CAMTA1: variants seen among roughly 807,000 people sequenced by gnomAD.
CAMTA1 encodes calmodulin binding transcription activator 1.
In CAMTA1, 27 loss-of-function variants were observed where a neutral mutation model predicts 170.9. The ratio of observed to expected loss-of-function variants is 0.16; its 90% CI spans 0.12 to 0.22. CAMTA1 has a LOEUF of 0.22. Among genes scored for constraint, CAMTA1 ranks in the 10% least tolerant of loss-of-function variants. The pLI is 1.00. For synonymous variants in CAMTA1, 833 were observed against 891.5 expected (o/e 0.93, Z 1.17); for missense variants, 1,619 against 2,217.2 (o/e 0.73, Z 5.42).
At chr1:6,981,962 T>TC (rs1294689426) in intron 3 of CAMTA1, among the ~76,000 whole-genome samples, 1 of 152,228 alleles carries the variant, frequency 6.6e-6, no homozygotes, top group African/African-American at 2.4e-5. Flanking sequence ...ACTCCTGGGC[T>TC]CCAGTGATCC....
At chr1:7,073,902 C>T (rs1339504274) in intron 3 of CAMTA1, among the ~76,000 whole-genome samples, 1 of 152,164 alleles carries the variant, frequency 6.6e-6, no homozygotes, top group African/African-American at 2.4e-5. Flanking sequence ...TCTTAAAATT[C>T]TATTTCCTGA....
chr1:7,723,119 G>A (rs987320611), intron 11 of CAMTA1, among the ~76,000 whole-genome samples: 1 of 152,020 alleles, frequency 6.6e-6, no homozygotes, highest in Admixed American at 6.6e-5. Flanking sequence ...GCACCCAGAT[G>A]TTCATTTCTA....
intron 6 of CAMTA1, among the ~76,000 whole-genome samples, chr1:7,535,150 A>C (rs1220773059): frequency 6.6e-6 from 1 of 151,628 alleles, no homozygotes; most frequent in Non-Finnish European, 1.5e-5. Flanking sequence ...GCTGAGTCCA[A>C]AGGAGGAACT....
intron 6 of CAMTA1, among the ~76,000 whole-genome samples, chr1:7,490,594 G>C (rs2149691390): frequency 6.6e-6 from 1 of 152,126 alleles, no homozygotes; most frequent in East Asian, 1.9e-4. Context: ...GGAGGTTGCG[G>C]TGAGCCGAGA....
chr1:6,966,105 A>G (rs1691488567), intron 3 of CAMTA1, among the ~76,000 whole-genome samples: 2 of 152,184 alleles, frequency 1.3e-5, no homozygotes, highest in South Asian at 4.1e-4. Flanking sequence ...AGGCTGACCT[A>G]GATGAGACTG....
intron 3 of CAMTA1, among the ~76,000 whole-genome samples, chr1:6,950,105 T>C (rs567817542): frequency 6.6e-6 from 1 of 152,320 alleles, no homozygotes; most frequent in East Asian, 1.9e-4. Flanking sequence ...CCTCTGGCCG[T>C]TGCCTCACGG....
chr1:7,536,660 G>A (rs1452562392), intron 6 of CAMTA1, among the ~76,000 whole-genome samples: 1 of 152,184 alleles, frequency 6.6e-6, no homozygotes, highest in Admixed American at 6.5e-5. Context: ...TCCAGCGAGT[G>A]TGTGAAGGGC....
At chr1:6,882,389 CTG>C (rs1452928986) in intron 3 of CAMTA1, among the ~76,000 whole-genome samples, 1 of 152,162 alleles carries the variant, frequency 6.6e-6, no homozygotes. Flanking sequence ...AGTGAGGAGA[CTG>C]TTGCAAGAAC....
chr1:7,096,219 T>A (rs1642056584), intron 4 of CAMTA1, among the ~76,000 whole-genome samples: 1 of 152,096 alleles, frequency 6.6e-6, no homozygotes. Context: ...TCAAAAAGAC[T>A]CCAGTGGCTC....
At position 7,406,476 on chromosome 1, in the gene CAMTA1, G is replaced by A. The variant is rs532688885; in HGVS notation, c.439-61354G>A. Among the ~76,000 whole-genome samples the A allele has an allele frequency of 7.2e-5, 11 of 152,232 alleles. No individual in the cohort carries two copies. The South Asian group carries it at 1.5e-3, about 20-fold the overall frequency. ...AAAATTCTTTTTATACTGGACACTC[G>A]GAGAGTGTCTTTGGTTTGACAACAA... On this transcript the variant is annotated intron_variant, in intron 5 of 22. Coordinates refer to ENST00000303635, the MANE Select transcript of CAMTA1 (RefSeq NM_015215.4).
intron 5 of CAMTA1, among the ~76,000 whole-genome samples, chr1:7,368,595 G>A (rs563151115): frequency 6.2e-4 from 94 of 152,290 alleles, no homozygotes; most frequent in African/African-American, 2.2e-3. Context: ...AGTTCCCGCT[G>A]TGTGCACCCA....
intron 4 of CAMTA1, among the ~76,000 whole-genome samples, chr1:7,189,983 G>C (rs1378982546): frequency 6.6e-6 from 1 of 152,250 alleles, no homozygotes; most frequent in Non-Finnish European, 1.5e-5. Flanking sequence ...GGCATTTGCA[G>C]TAACCTGGAG....
At chr1:6,786,983 CT>C (rs1639594543) in intron 1 of CAMTA1, among the ~76,000 whole-genome samples, 1 of 152,176 alleles carries the variant, frequency 6.6e-6, no homozygotes, top group Admixed American at 6.5e-5. Flanking sequence ...GTCATGTGGC[CT>C]TGTTTTTTGA....
intron 3 of CAMTA1, among the ~76,000 whole-genome samples, chr1:7,057,563 T>C (rs997769099): frequency 3.3e-5 from 5 of 152,132 alleles, no homozygotes; most frequent in Non-Finnish European, 5.9e-5. Flanking sequence ...CCTGGGAAGA[T>C]GTCCAGCTGC....
chr1:7,270,327 T>C (rs1669608394), intron 5 of CAMTA1, among the ~76,000 whole-genome samples: 1 of 148,472 alleles, frequency 6.7e-6, no homozygotes, highest in Non-Finnish European at 1.5e-5. Context: ...GGAGTTTCAC[T>C]CTTGTTACCC....
At chr1:6,790,549 A>C (rs1384681078) in intron 1 of CAMTA1, among the ~76,000 whole-genome samples, 1 of 152,128 alleles carries the variant, frequency 6.6e-6, no homozygotes, top group Non-Finnish European at 1.5e-5. Flanking sequence ...CATAGAGTCA[A>C]ATGTATTTTT....
intron 6 of CAMTA1, among the ~76,000 whole-genome samples, chr1:7,488,685 A>G (rs1406278113): frequency 6.6e-6 from 1 of 152,176 alleles, no homozygotes; most frequent in Non-Finnish European, 1.5e-5. Flanking sequence ...ATACACACAC[A>G]TATACACATA....
intron 4 of CAMTA1, among the ~76,000 whole-genome samples, chr1:7,217,751 T>G (rs1333718565): frequency 6.6e-6 from 1 of 152,200 alleles, no homozygotes; most frequent in Non-Finnish European, 1.5e-5. Flanking sequence ...TGGAGTCTCT[T>G]GACTCCTACC....
In CAMTA1 at chr1:7,248,007, G is replaced by A. The variant is rs140576925; in HGVS notation, c.303-1484G>A. Among the ~76,000 whole-genome samples the A allele has an allele frequency of 8.2e-4, 125 of 152,260 alleles. No individual in the cohort carries two copies. Among genetic ancestry groups the A allele is most frequent in the African/African-American group, 2.8e-3 (116 of 41,542 alleles). Reference sequence around the variant, plus strand: ...GACACAAACCAATTGTGCCCTGATCGGGAAACAATGAAGTATCGGGAGTCG... The same window carrying A: ...GACACAAACCAATTGTGCCCTGATCAGGAAACAATGAAGTATCGGGAGTCG... On this transcript the variant is annotated intron_variant, in intron 4 of 22. Transcript: ENST00000303635. The surrounding 1 kb of genome is among the most constrained non-coding windows in gnomAD (Gnocchi z 4.0).
Sources: allele counts gnomAD v4.1 joint callset (sites outside exome capture counted in the v4.1 genomes callset), GRCh38; gene constraint gnomAD v4.1.1; non-coding constraint Gnocchi (gnomAD v3.1); transcripts MANE v1.5; gene names NCBI Gene and HGNC (gene_info 2026-07-23, HGNC 2026-07-21).